The following NCR2 variants were observed in gnomAD, a reference collection of about 807,000 sequenced individuals.
NCR2 encodes natural cytotoxicity triggering receptor 2, also known as NK cell activating receptor (NKp44).
Under a neutral mutation model 30.7 loss-of-function variants are expected in NCR2, and 35 were observed. The ratio of observed to expected loss-of-function variants is 1.14; its 90% confidence interval spans 0.87 to 1.51. NCR2 has a LOEUF of 1.51. NCR2 is among the 40% of genes most tolerant of loss of function. The pLI is 0.00. For synonymous variants in NCR2, 146 were observed against 134.8 expected (o/e 1.08, Z -0.58); for missense variants, 316 against 328.9 (o/e 0.96, Z 0.30).
chr6:41,343,408 A>T (rs1028658229), intron 4 of NCR2, among the ~76,000 whole-genome samples: 2 of 152,242 alleles, frequency 1.3e-5, no homozygotes, highest in African/African-American at 4.8e-5. Flanking sequence ...TGAAGCCAAG[A>T]GTTCCCAGTT....
At position 41,342,150 on chromosome 6, in the gene NCR2, G is replaced by A. The variant is rs143471440; in HGVS notation, c.644+1G>A. 97 of 1,612,370 alleles carry A rather than the reference G, an allele frequency of 6.0e-5. No individual in the cohort carries two copies. Among genetic ancestry groups the A allele is most frequent in the Non-Finnish European group, 8.1e-5 (95 of 1,180,004 alleles). On this transcript the variant is annotated splice_donor_variant, in intron 4 of 4. Coordinates refer to ENST00000373089, the MANE Select transcript of NCR2 (RefSeq NM_004828.4). LOFTEE classifies it high-confidence loss of function. The stretch of plus-strand genomic sequence containing the variant: ...TGCTGTCAGCCCTGCTCGTCTGGTG[G>A]TGAGTGTGGTGTGGGTTGAACTCGG...
Position 41,342,083 on chromosome 6 carries a change from TGG to T in NCR2, c.579_580del (p.Val194AlafsTer72). 1 of 1,613,908 alleles carries T rather than the reference TGG, an allele frequency of 6.2e-7. No individual in the cohort carries two copies. Among genetic ancestry groups the T allele is most frequent in the Non-Finnish European group, 8.5e-7 (1 of 1,180,028 alleles). ...CCTGGCCCTGCAGCCCCCATTGCCC[TGG>T]TGCCTGTGTTCTGTGGACTCCTCGT... On this transcript the variant is annotated frameshift_variant, in exon 4 of 5. Transcript: ENST00000373089. LOFTEE classifies it high-confidence loss of function.
chr6:41,345,797 T>G (rs1251651676), intron 4 of NCR2, among the ~76,000 whole-genome samples: 1 of 152,206 alleles, frequency 6.6e-6, no homozygotes, highest in Non-Finnish European at 1.5e-5. Flanking sequence ...CTTTCCACCC[T>G]GCACCTGAAG....
chr6:41,342,143 T>C lies in NCR2; in HGVS notation c.638T>C (p.Val213Ala), dbSNP rs759958071. 1 of 1,612,852 alleles carries C rather than the reference T, an allele frequency of 6.2e-7. No individual in the cohort carries two copies. Among genetic ancestry groups the C allele is most frequent in the South Asian group, 1.1e-5 (1 of 91,078 alleles). Residue 213 changes from valine (V) to alanine (A), a missense_variant, in exon 4 of 5, where the codon GTC (valine) becomes GCC (alanine). Val to Ala is a moderately conservative substitution (Grantham distance 64, BLOSUM62 0). Transcript: ENST00000373089. ...AKSLVLSALL[V>A]WWGDIWWKTM... Reference sequence around the variant, plus strand: ...AGCCTGGTGCTGTCAGCCCTGCTCGTCTGGTGGTGAGTGTGGTGTGGGTTG... The same window carrying C: ...AGCCTGGTGCTGTCAGCCCTGCTCGCCTGGTGGTGAGTGTGGTGTGGGTTG...
rs772173574 is a variant in NCR2, at chr6:41,350,824, G to A, written c.791G>A (p.Arg264Lys). Residue 264 changes from arginine to lysine, a missense_variant, in exon 5 of 5, where the codon AGG becomes AAG. Coordinates refer to ENST00000373089, the MANE Select transcript of NCR2 (RefSeq NM_004828.4). Reference sequence around the variant, plus strand: ...GAAATATTATATCACACTGTTGCAAGGACTAAGATAAGCGATGATGATGAT... The same window carrying A: ...GAAATATTATATCACACTGTTGCAAAGACTAAGATAAGCGATGATGATGAT... ...EREILYHTVA[R>K]TKISDDDDEH... is the part of the protein sequence containing the mutation. The A allele has an allele frequency of 9.7e-7, 1 of 1,034,662 alleles. No homozygotes were observed. The highest frequency in any genetic ancestry group is 1.6e-5 in the African/African-American group (1 of 63,834). 64.1% of individuals were successfully genotyped at this position (1,034,662 alleles called of 1,614,324 possible). A position where few individuals can be genotyped will look rare whatever the true frequency, so the allele number is the denominator to read the frequency against.
intron 4 of NCR2, among the ~76,000 whole-genome samples, chr6:41,346,385 A>T (rs1581665172): frequency 1.3e-5 from 2 of 151,674 alleles, no homozygotes; most frequent in East Asian, 3.9e-4. Context: ...AGTCCTGCTA[A>T]CCTGATCCCA....
Position 41,341,130 on chromosome 6 carries a change from C to T in NCR2, c.395-664C>T, listed in dbSNP as rs192067658. Among the ~76,000 whole-genome samples, 826 of 152,300 alleles carry T rather than the reference C, an allele frequency of 5.4e-3. 10 individuals are homozygous for T. The highest frequency in any genetic ancestry group is 0.018 in the African/African-American group (756 of 41,558). On this transcript the variant is annotated intron_variant, in intron 2 of 4. Transcript: ENST00000373089. ...TTTCTTTTCCTTCGCCACCCCACCACCCGCCAACAGCCAATGCCTTTTCGA... is the reference window on the plus strand; with the variant it reads ...TTTCTTTTCCTTCGCCACCCCACCATCCGCCAACAGCCAATGCCTTTTCGA...
intron 4 of NCR2, among the ~76,000 whole-genome samples, chr6:41,344,248 C>T (rs987135085): frequency 7.2e-5 from 11 of 152,214 alleles, no homozygotes; most frequent in African/African-American, 2.7e-4. Context: ...CACAGCACCC[C>T]ACTGTGCTGT....
chr6:41,341,795 C>G lies in NCR2; in HGVS notation c.396C>G (p.Ala132=). The change falls in exon 3 of 5, where the codon GCC becomes GCG. Residue 132 remains alanine, a splice_region_variant and synonymous_variant. Transcript: ENST00000373089. ...CACGCTCTTTCTCCTCCCTGGCAGC[C>G]TCTGCCTCCACACAGACCTCCTGGA... The part of the protein sequence containing the change: ...SVRFYLVVSP[A]SASTQTSWTP... 6.2e-7 allele frequency: 1 copy of G among 1,609,238 alleles called. No individual in the cohort carries two copies. Among genetic ancestry groups the G allele is most frequent in the Non-Finnish European group, 8.5e-7 (1 of 1,178,206 alleles).
At chr6:41,349,503 C>G (rs973073781) in intron 4 of NCR2, among the ~76,000 whole-genome samples, 6 of 152,184 alleles carry the variant, frequency 3.9e-5, no homozygotes, top group Admixed American at 2.6e-4. Flanking sequence ...AAGCTTGGAA[C>G]TTTCACCCCA....
rs1769402624 is a variant in NCR2 at position 41,350,600 on chromosome 6, G to T, written c.645-78G>T. 7 of 1,284,610 alleles carry T rather than the reference G, an allele frequency of 5.4e-6. No individual in the cohort carries two copies. In the South Asian group the frequency reaches 9.8e-5, roughly 18 times the overall value. The allele number at this position is 1,284,610 out of a possible 1,614,324, so 79.6% of individuals were successfully genotyped here. A position where few individuals can be genotyped will look rare whatever the true frequency, so the allele number is the denominator to read the frequency against. ...CCAACCCTGCGAGTAGTGGGATGGG[G>T]AAGGGGTTGCCTCTGCACCTATGTG... On this transcript the variant is annotated intron_variant, in intron 4 of 4. Transcript: ENST00000373089.
intron 4 of NCR2, among the ~76,000 whole-genome samples, chr6:41,347,914 C>T (rs1243775969): frequency 2.0e-5 from 3 of 152,124 alleles, no homozygotes; most frequent in Non-Finnish European, 4.4e-5. Context: ...CAGTGCTTTG[C>T]CATGTGAGCC....
chr6:41,342,481 C>T (rs549944428), intron 4 of NCR2, among the ~76,000 whole-genome samples: 1 of 151,294 alleles, frequency 6.6e-6, no homozygotes, highest in South Asian at 2.1e-4. Context: ...CCATTCCACC[C>T]CCTTCCTCTC....
intron 2 of NCR2, among the ~76,000 whole-genome samples, chr6:41,339,948 A>G (rs1363401128): frequency 6.6e-6 from 1 of 152,090 alleles, no homozygotes; most frequent in Non-Finnish European, 1.5e-5. Context: ...GTTTTTTTTC[A>G]GTGATTTTTG....
rs372348187 is a variant in NCR2 at position 41,347,936 on chromosome 6, C to A, written c.645-2742C>A. Among the ~76,000 whole-genome samples the A allele has an allele frequency of 2.0e-5, 3 of 152,232 alleles. No homozygotes were observed. In the South Asian group the frequency reaches 6.2e-4, roughly 32 times the overall value. On this transcript the variant is annotated intron_variant, in intron 4 of 4. Coordinates refer to ENST00000373089, the MANE Select transcript of NCR2 (RefSeq NM_004828.4). ...TTGCCATGTGAGCCTTTCTTCACGGCAAGGGAACTAACTTCCCAAGTGTGA... is the reference window on the plus strand; with the variant it reads ...TTGCCATGTGAGCCTTTCTTCACGGAAAGGGAACTAACTTCCCAAGTGTGA...
At chr6:41,347,780 T>C (rs979237393) in intron 4 of NCR2, among the ~76,000 whole-genome samples, 1 of 152,214 alleles carries the variant, frequency 6.6e-6, no homozygotes, top group Non-Finnish European at 1.5e-5. Flanking sequence ...TAGTTGGGTG[T>C]TCCTGGCTCA....
chr6:41,349,094 A>T (rs971263479), intron 4 of NCR2, among the ~76,000 whole-genome samples: 51 of 146,784 alleles, frequency 3.5e-4, no homozygotes, highest in Admixed American at 5.4e-4. Context: ...TATTTTATAA[A>T]TTTTTTATAT....
rs1769000691 is a variant in NCR2 at position 41,335,691 on chromosome 6, C to T, written c.-186C>T. 3 of 671,086 alleles carry T rather than the reference C, an allele frequency of 4.5e-6. No individual in the cohort carries two copies. In the Admixed American group the frequency reaches 6.9e-5, roughly 15 times the overall value. 41.6% of individuals were successfully genotyped at this position (671,086 alleles called of 1,614,324 possible). ...CCCAGACTCACCTACAGCTGGAGATCCCCACTTCCCTGTGCCCACAGAATC... is the reference window on the plus strand; with the variant it reads ...CCCAGACTCACCTACAGCTGGAGATTCCCACTTCCCTGTGCCCACAGAATC... On this transcript the variant is annotated 5_prime_UTR_variant, in exon 1 of 5. Coordinates refer to ENST00000373089, the MANE Select transcript of NCR2 (RefSeq NM_004828.4).
Position 41,336,366 on chromosome 6 carries a change from T to C in NCR2, c.332T>C (p.Ile111Thr), listed in dbSNP as rs1220472569. The change falls in exon 2 of 5, where the codon ATC becomes ACC. Residue 111 changes from isoleucine (I) to threonine (T), a missense_variant. By Grantham distance (89) the Ile-to-Thr change is moderately conservative. Transcript: ENST00000373089. ...EEDSGHYWCR[I>T]YRPSDNSVSK... Reference sequence around the variant, plus strand: ...GACTCAGGACATTACTGGTGTAGAATCTACCGCCCTTCTGACAACTCTGTC... The same window carrying C: ...GACTCAGGACATTACTGGTGTAGAACCTACCGCCCTTCTGACAACTCTGTC... 1 of 1,613,992 alleles carries C rather than the reference T, an allele frequency of 6.2e-7. No individual in the cohort carries two copies. Among genetic ancestry groups the C allele is most frequent in the Admixed American group, 1.7e-5 (1 of 60,020 alleles).
Sources: gnomAD v4.1 joint callset for allele counts (sites outside exome capture counted in the v4.1 genomes callset) on GRCh38, gnomAD v4.1.1 for gene constraint, MANE v1.5 for transcripts, NCBI Gene and HGNC (gene_info 2026-07-23, HGNC 2026-07-21) for gene names.